Variants in LPIN1 observed in about 807,000 individuals in gnomAD.
LPIN1 encodes phosphatidate phosphatase LPIN1.
A neutral mutation model predicts 107.5 loss-of-function variants in LPIN1; 71 were observed. The ratio of observed to expected loss-of-function variants is 0.66; its 90% CI spans 0.55 to 0.80. The LOEUF (loss-of-function observed/expected upper bound fraction) is 0.80. Ranked by LOEUF, LPIN1 falls within the 30% of genes least tolerant of loss-of-function variation. The pLI, the probability that LPIN1 is intolerant of heterozygous loss-of-function variation, is 0.00. For synonymous variants in LPIN1, 445 were observed against 452.6 expected (o/e 0.98, Z 0.21); for missense variants, 1,043 against 1,160.6 (o/e 0.90, Z 1.47).
chr2:11,792,355 A>G, intron 13 of LPIN1: 1 of 223,596 alleles, frequency 4.5e-6, no homozygotes, highest in Non-Finnish European at 9.1e-6. Flanking sequence ...TGTGGAGACA[A>G]TTTTTCTTTT....
chr2:11,715,451 G>T (rs1415265464), intron 2 of LPIN1, among the ~76,000 whole-genome samples: 2 of 152,218 alleles, frequency 1.3e-5, no homozygotes, highest in Admixed American at 6.5e-5. Context: ...CATGGTAGGG[G>T]TGTTGGATCA....
At chr2:11,677,902 T>G (rs1347535828) in intron 1 of LPIN1, among the ~76,000 whole-genome samples, 3 of 152,282 alleles carry the variant, frequency 2.0e-5, no homozygotes, top group African/African-American at 7.2e-5. Context: ...CGCTTGCTCC[T>G]CACAGGCTCC....
chr2:11,714,368 C>T (rs1378894997), intron 2 of LPIN1, among the ~76,000 whole-genome samples: 2 of 152,178 alleles, frequency 1.3e-5, no homozygotes, highest in African/African-American at 2.4e-5. Context: ...TGTCTGCCCC[C>T]GAGGCTGTCT....
upstream of LPIN1, among the ~76,000 whole-genome samples, chr2:11,722,754 A>C (rs1572403029): frequency 6.6e-6 from 1 of 152,226 alleles, no homozygotes; most frequent in Admixed American, 6.5e-5. Context: ...TGATTTCAGA[A>C]GCAAGTGGAT....
At chr2:11,764,421 A>G (rs903811996) in intron 1 of LPIN1, 1 of 152,310 alleles carries the variant, frequency 6.6e-6, no homozygotes, top group African/African-American at 2.4e-5. Context: ...TGCTGGGATT[A>G]TAGGCATGAG....
At chr2:11,725,768 C>CT (rs1165845003) in intron 1 of LPIN1, among the ~76,000 whole-genome samples, 1 of 152,208 alleles carries the variant, frequency 6.6e-6, no homozygotes, top group African/African-American at 2.4e-5. Context: ...GTCTGACACT[C>CT]TGAGGCTCCT....
intron 1 of LPIN1, among the ~76,000 whole-genome samples, chr2:11,753,512 A>C (rs1668182263): frequency 6.6e-6 from 1 of 152,188 alleles, no homozygotes; most frequent in Non-Finnish European, 1.5e-5. Flanking sequence ...ACGCTGGTGG[A>C]CTCAGTCAAT....
At chr2:11,778,936 A>C (rs924649605) in intron 6 of LPIN1, among the ~76,000 whole-genome samples, 1 of 152,202 alleles carries the variant, frequency 6.6e-6, no homozygotes, top group Non-Finnish European at 1.5e-5. Flanking sequence ...AAGACATAAG[A>C]TCTTAGAAAA....
At chr2:11,767,683 T>C in intron 2 of LPIN1, 80 bp from the exon 3 acceptor site, 1 of 858,882 alleles carries the variant, frequency 1.2e-6, no homozygotes, top group Non-Finnish European at 2.0e-6. Flanking sequence ...AGCGTATCTG[T>C]GGAGACTTGG....
At chr2:11,692,761 T>C (rs766709844) in intron 1 of LPIN1, among the ~76,000 whole-genome samples, 3 of 152,326 alleles carry the variant, frequency 2.0e-5, no homozygotes, top group Non-Finnish European at 4.4e-5. Context: ...CTTCTCCAGA[T>C]GTTTTTGATG....
chr2:11,687,424 C>T (rs909004519), intron 1 of LPIN1, among the ~76,000 whole-genome samples: 3 of 152,034 alleles, frequency 2.0e-5, no homozygotes, highest in African/African-American at 4.8e-5. Context: ...AGTTGCTCTG[C>T]GGCTGGGCTC....
At chr2:11,773,587 TCTTTGA>T (rs1672206991) in intron 4 of LPIN1, 27 bp from the exon 5 acceptor site, 5 of 1,588,462 alleles carry the variant, frequency 3.1e-6, no homozygotes, top group Non-Finnish European at 4.3e-6. Flanking sequence ...CATTAAGAAT[TCTTTGA>T]CTTTAATCTT....
At chr2:11,757,626 C>G (rs1668874099) in intron 1 of LPIN1, among the ~76,000 whole-genome samples, 1 of 152,160 alleles carries the variant, frequency 6.6e-6, no homozygotes. Flanking sequence ...CAACAGGTGC[C>G]TGGGGTGACT....
In LPIN1 at chr2:11,824,661, A is replaced by G; in HGVS notation, c.2651A>G (p.His884Arg). The G allele has an allele frequency of 1.9e-6, 3 of 1,614,076 alleles. No individual in the cohort carries two copies. Among genetic ancestry groups the G allele is most frequent in the Non-Finnish European group, 2.5e-6 (3 of 1,180,032 alleles). ...SYVRLCEVVD[H>R]VFPLLKRSHS... is the part of the protein sequence containing the mutation. ...GTGAGACTCTGTGAAGTAGTCGACC[A>G]CGTTTTCCCGTTGCTGAAAAGAAGC... Residue 884 changes from histidine (H) to arginine (R), a missense_variant, in exon 21 of 21, where the codon CAC becomes CGC. Coordinates refer to ENST00000674199, the MANE Select transcript of LPIN1 (RefSeq NM_001349206.2).
intron 1 of LPIN1, among the ~76,000 whole-genome samples, chr2:11,755,011 G>T (rs1251111529): frequency 1.5e-4 from 22 of 151,086 alleles, no homozygotes; most frequent in African/African-American, 5.1e-4. Context: ...AGTCACCCAG[G>T]CTGGAGTGCA....
chr2:11,762,609 G>T (rs1670025670), intron 1 of LPIN1, among the ~76,000 whole-genome samples: 1 of 152,138 alleles, frequency 6.6e-6, no homozygotes, highest in Non-Finnish European at 1.5e-5. Context: ...TTATTGCTCT[G>T]GAGCTAAGGA....
At chr2:11,711,880 A>C (rs1663435726) in intron 1 of LPIN1, among the ~76,000 whole-genome samples, 1 of 152,216 alleles carries the variant, frequency 6.6e-6, no homozygotes, top group Non-Finnish European at 1.5e-5. Flanking sequence ...AGTGGTGCAC[A>C]GTGACTGCTC....
At chr2:11,783,733 C>T (rs1673965481) in intron 8 of LPIN1, 96 bp from the exon 9 acceptor site, 1 of 1,025,074 alleles carries the variant, frequency 9.8e-7, no homozygotes, top group African/African-American at 1.6e-5. Flanking sequence ...GGGAGCAAAT[C>T]TGCACATAGT....
chr2:11,728,872 T>A (rs1664923308), intron 1 of LPIN1, among the ~76,000 whole-genome samples: 2 of 152,222 alleles, frequency 1.3e-5, no homozygotes. Flanking sequence ...AAAATATGTA[T>A]AAGTTCCTTG....
Sources: allele counts gnomAD v4.1 joint callset (sites outside exome capture counted in the v4.1 genomes callset), GRCh38; gene constraint gnomAD v4.1.1; transcripts MANE v1.5; gene names NCBI Gene and HGNC (gene_info 2026-07-23, HGNC 2026-07-21).